PPM1H: variants seen among roughly 807,000 people sequenced by gnomAD.
PPM1H encodes protein phosphatase, Mg2+/Mn2+ dependent 1H.
PPM1H carries 27 observed loss-of-function variants against 54.9 expected under a neutral mutation model. That is an observed-to-expected ratio of 0.49 (90% CI 0.36 to 0.68). The LOEUF is 0.68. Among genes scored for constraint, PPM1H ranks in the 30% least tolerant of loss-of-function variants. The pLI is 0.00. For synonymous variants in PPM1H, 305 were observed against 270.8 expected (o/e 1.13, Z -1.24); for missense variants, 596 against 667.8 (o/e 0.89, Z 1.19).
At chr12:62,932,627 G>GTTTTTTTTTTTTTTTT (rs1229452777) in intron 1 of PPM1H, among the ~76,000 whole-genome samples, 2 of 22,536 alleles carry the variant, frequency 8.9e-5, no homozygotes, top group African/African-American at 2.5e-4. Context: ...GTCCAAATGG[G>GTTTTTTTTTTTTTTTT]CTTTTTTTTT....
intron 8 of PPM1H, among the ~76,000 whole-genome samples, chr12:62,684,851 G>A (rs749255822): frequency 1.3e-5 from 2 of 152,070 alleles, no homozygotes; most frequent in East Asian, 1.9e-4. Context: ...TCCCAACAGA[G>A]GCCACTTCTC....
rs972940595 is a variant in PPM1H, at chr12:62,801,987, C to T, written c.585G>A (p.Glu195=). ...AVLPPTCLGE[E]PENTPANSRT... is the part of the protein sequence containing the mutation. ...GGCTGTTGGCGGGCGTGTTCTCAGG[C>T]TCCTCCCCCAGGCAGGTAGGGGGCA... The change falls in exon 3 of 10, where the codon GAG becomes GAA. Residue 195 remains glutamate, a synonymous_variant. Transcript: ENST00000228705. 2 of 1,613,118 alleles carry T rather than the reference C, an allele frequency of 1.2e-6. No homozygotes were observed. The highest frequency in any genetic ancestry group is 1.7e-6 in the Non-Finnish European group (2 of 1,179,488).
intron 1 of PPM1H, among the ~76,000 whole-genome samples, chr12:62,878,267 A>T (rs11174706): frequency 0.19 from 28,281 of 152,096 alleles, 2,950 homozygotes; most frequent in African/African-American, 0.29. Flanking sequence ...TATTTTTAAA[A>T]TGTTACCTAT....
intron 1 of PPM1H, among the ~76,000 whole-genome samples, chr12:62,854,217 G>A (rs957122848): frequency 6.6e-6 from 1 of 152,176 alleles, no homozygotes. Context: ...TATAAACAGT[G>A]TAGAAATTAC....
At chr12:62,741,441 G>A (rs570034368) in intron 4 of PPM1H, among the ~76,000 whole-genome samples, 4 of 152,198 alleles carry the variant, frequency 2.6e-5, no homozygotes, top group African/African-American at 4.8e-5. Context: ...ATGTCTTACC[G>A]AAAGCCCTGT....
chr12:62,856,061 A>G (rs1049988616), intron 1 of PPM1H, among the ~76,000 whole-genome samples: 1 of 152,202 alleles, frequency 6.6e-6, no homozygotes, highest in African/African-American at 2.4e-5. Flanking sequence ...CTGTGCAAGC[A>G]CTGGGTACTG....
chr12:62,740,020 G>A (rs1592572982), intron 4 of PPM1H, among the ~76,000 whole-genome samples: 1 of 152,146 alleles, frequency 6.6e-6, no homozygotes, highest in South Asian at 2.1e-4. Context: ...TCTTTCCACT[G>A]GATCTCTGCC....
At chr12:62,769,461 C>A (rs565128725) in intron 4 of PPM1H, among the ~76,000 whole-genome samples, 22 of 152,142 alleles carry the variant, frequency 1.4e-4, no homozygotes, top group Non-Finnish European at 2.9e-4. Context: ...AGCCTCGTGG[C>A]CTGAACAAAA....
intron 9 of PPM1H, among the ~76,000 whole-genome samples, chr12:62,666,020 T>C (rs1261442561): frequency 6.6e-6 from 1 of 152,170 alleles, no homozygotes; most frequent in East Asian, 1.9e-4. Flanking sequence ...TGAGCCACCA[T>C]GCTTGGCTAA....
chr12:62,807,793 C>T (rs1041881736), intron 2 of PPM1H, among the ~76,000 whole-genome samples: 2 of 152,210 alleles, frequency 1.3e-5, no homozygotes, highest in Non-Finnish European at 2.9e-5. Flanking sequence ...GTGTAAGAGA[C>T]TCTAAGGTCA....
intron 5 of PPM1H, among the ~76,000 whole-genome samples, chr12:62,729,259 T>G (rs1329133712): frequency 1.3e-5 from 2 of 151,968 alleles, no homozygotes. Context: ...GCAAAGGAGC[T>G]TAAGAGTTGG....
At chr12:62,905,940 C>T (rs1165229571) in intron 1 of PPM1H, among the ~76,000 whole-genome samples, 1 of 152,148 alleles carries the variant, frequency 6.6e-6, no homozygotes, top group Non-Finnish European at 1.5e-5. Flanking sequence ...CCAAGCAAAA[C>T]TTGGAAAAGA....
chr12:62,684,377 G>A (rs893083079), intron 8 of PPM1H, among the ~76,000 whole-genome samples: 1 of 152,176 alleles, frequency 6.6e-6, no homozygotes, highest in African/African-American at 2.4e-5. Context: ...TGGCAAACTC[G>A]AGATTTTTCC....
Position 62,739,610 on chromosome 12 carries a change from A to G in PPM1H, c.870-2024T>C, listed in dbSNP as rs575915367. Among the ~76,000 whole-genome samples the G allele has an allele frequency of 6.6e-5, 10 of 152,336 alleles. No individual in the cohort carries two copies. In the East Asian group the frequency reaches 1.9e-3, roughly 29 times the overall value. On this transcript the variant is annotated intron_variant, in intron 4 of 9. Transcript: ENST00000228705. ...GTTGAATTCCCAGGCATGGACTAGG[A>G]AGAGCCAGCGATGCCCAATCAGGCC...
At chr12:62,709,172 C>A (rs1271815332) in intron 6 of PPM1H, among the ~76,000 whole-genome samples, 1 of 152,162 alleles carries the variant, frequency 6.6e-6, no homozygotes, top group Non-Finnish European at 1.5e-5. Flanking sequence ...TGTTATCTAG[C>A]TGATACACAC....
At chr12:62,839,942 G>A (rs1868668231) in intron 1 of PPM1H, among the ~76,000 whole-genome samples, 1 of 151,542 alleles carries the variant, frequency 6.6e-6, no homozygotes, top group Non-Finnish European at 1.5e-5. Flanking sequence ...AGAGGCTGAG[G>A]TGAAAGGACT....
intron 4 of PPM1H, chr12:62,756,198 G>A (rs1024498370): frequency 1.4e-5 from 12 of 856,838 alleles, no homozygotes; most frequent in African/African-American, 5.0e-5. Flanking sequence ...CAACAGGGTG[G>A]TGGACCTCAT....
At chr12:62,689,671 A>T in intron 8 of PPM1H, 28 bp downstream of exon 8, 1 of 1,576,138 alleles carries the variant, frequency 6.3e-7, no homozygotes, top group South Asian at 1.1e-5. Flanking sequence ...TTATTGCACA[A>T]AATATAAACA....
intron 1 of PPM1H, among the ~76,000 whole-genome samples, chr12:62,869,644 A>G (rs758739516): frequency 6.6e-6 from 1 of 152,194 alleles, no homozygotes; most frequent in Non-Finnish European, 1.5e-5. Flanking sequence ...GCATGACAAC[A>G]TCCCATCTCC....
Sources: allele counts gnomAD v4.1 joint callset (sites outside exome capture counted in the v4.1 genomes callset), GRCh38; gene constraint gnomAD v4.1.1; transcripts MANE v1.5; gene names NCBI Gene and HGNC (gene_info 2026-07-23, HGNC 2026-07-21).